Variants in CASD1 observed in about 807,000 individuals in gnomAD.
CASD1 encodes N-acetylneuraminate (7)9-O-acetyltransferase.
A neutral mutation model predicts 100.0 loss-of-function variants in CASD1; 41 were observed. The observed-to-expected ratio is 0.41, with a 90% CI of 0.32 to 0.53. CASD1 has a LOEUF of 0.53. CASD1 is among the 20% of genes least tolerant of loss of function. The pLI is 0.25. For missense variants in CASD1, 774 were observed against 948.7 expected (o/e 0.82, Z 2.42); for synonymous variants, 321 against 315.6 (o/e 1.02, Z -0.18).
At chr7:94,528,357 A>G (rs1055313607) in intron 5 of CASD1, 107 bp downstream of exon 5, 1 of 742,262 alleles carries the variant, frequency 1.3e-6, no homozygotes, top group Non-Finnish European at 2.1e-6. Context: ...TATATTTTAT[A>G]CCTGCCTTCT....
chr7:94,600,447 T>C, the CASD1 span: 1 of 552,452 alleles, frequency 1.8e-6, no homozygotes, highest in Admixed American at 3.2e-5. Flanking sequence ...AATAAAGTAA[T>C]TATATCCCCT....
chr7:94,557,221 A>G (rs1223528898), downstream of CASD1, among the ~76,000 whole-genome samples: 2 of 152,062 alleles, frequency 1.3e-5, no homozygotes, highest in Non-Finnish European at 2.9e-5. Context: ...TTGCTTGAAG[A>G]TTTTAAAAAT....
At chr7:94,577,917 A>G in the CASD1 span, among the ~76,000 whole-genome samples, 24 of 152,244 alleles carry the variant, frequency 1.6e-4, no homozygotes, top group African/African-American at 5.5e-4. Context: ...AAGGAACTCT[A>G]CCTTTGTTCT....
the CASD1 span, among the ~76,000 whole-genome samples, chr7:94,616,461 T>C: frequency 6.6e-6 from 1 of 152,194 alleles, no homozygotes; most frequent in Non-Finnish European, 1.5e-5. Flanking sequence ...CAAAAATTTT[T>C]ACAAGGGATA....
At chr7:94,618,710 C>T in the CASD1 span, 9 of 1,482,866 alleles carry the variant, frequency 6.1e-6, no homozygotes, top group Admixed American at 3.4e-5. Flanking sequence ...ATAAGATCAC[C>T]GTATTTAAAA....
the CASD1 span, among the ~76,000 whole-genome samples, chr7:94,615,412 AGAT>A: frequency 2.0e-5 from 3 of 147,606 alleles, no homozygotes; most frequent in Admixed American, 2.0e-4. Flanking sequence ...ATAGATAGAT[AGAT>A]AGATAGATAA....
Position 94,510,149 on chromosome 7 carries a change from C to A in CASD1, c.65C>A (p.Ala22Asp). Residue 22 changes from alanine (A) to aspartate (D), a missense_variant, in exon 1 of 18, where the codon GCC (alanine) becomes GAC (aspartate). This residue lies in a region of CASD1 where 75 missense variants were observed against 60.9 expected (regional missense o/e 1.23). Transcript: ENST00000297273. ...AACCACTACTTCAGCGTGAGGAGCG[C>A]CAAGGTGCTGGCGCTGGTGGCCGTG... is the stretch of plus-strand genomic sequence containing the variant. ...EINHYFSVRS[A>D]KVLALVAVLL... 6.5e-7 allele frequency: 1 copy of A among 1,529,922 alleles called. No homozygotes were observed. Among genetic ancestry groups the A allele is most frequent in the Non-Finnish European group, 8.8e-7 (1 of 1,137,318 alleles). The allele number at this position is 1,529,922 out of a possible 1,614,324, so 94.8% of individuals were successfully genotyped here. A position where few individuals can be genotyped will look rare whatever the true frequency, so the allele number is the denominator to read the frequency against.
the CASD1 span, chr7:94,587,073 C>T: frequency 1.0e-6 from 1 of 984,828 alleles, no homozygotes; most frequent in Non-Finnish European, 1.2e-6. Context: ...AAGCAAAATA[C>T]CTGCTCCCTA....
rs535278718 is a variant in CASD1, at chr7:94,539,466, C to G, written c.1356+410C>G. On this transcript the variant is annotated intron_variant, in intron 10 of 17. Transcript: ENST00000297273. ...GGTGGATCACCTGAGGTCAGGAGTT[C>G]AAGACCAGCCTAGCCAACATGGTGA... Among the ~76,000 whole-genome samples, 7 of 151,988 alleles carry G rather than the reference C, an allele frequency of 4.6e-5. No individual in the cohort carries two copies. The South Asian group carries it at 1.5e-3, about 32-fold the overall frequency.
intron 5 of CASD1, among the ~76,000 whole-genome samples, chr7:94,531,731 A>AT (rs1794863035): frequency 6.6e-6 from 1 of 151,704 alleles, no homozygotes; most frequent in Admixed American, 6.6e-5. Flanking sequence ...AAAAAGTGTC[A>AT]TTTTTTTACA....
At chr7:94,543,660 A>T (rs1795530180) in intron 10 of CASD1, among the ~76,000 whole-genome samples, 3 of 152,156 alleles carry the variant, frequency 2.0e-5, no homozygotes, top group Non-Finnish European at 4.4e-5. Context: ...CTCCAAAAAA[A>T]AAAAAAGGCA....
At chr7:94,534,102 A>G (rs973600165) in intron 7 of CASD1, among the ~76,000 whole-genome samples, 1 of 151,816 alleles carries the variant, frequency 6.6e-6, no homozygotes, top group Non-Finnish European at 1.5e-5. Flanking sequence ...TTTTTTTCTT[A>G]CAAAACATAT....
At position 94,537,810 on chromosome 7, in the gene CASD1, CA is replaced by C. The variant is rs1795193312; in HGVS notation, c.1185del (p.Lys395AsnfsTer32). ...GTGCAAATCTGTTCATGAAGGAAAACAAATTTTATACACATTCATCTTTCTT... is the reference window on the plus strand; with the variant it reads ...GTGCAAATCTGTTCATGAAGGAAAACAATTTTATACACATTCATCTTTCTT... ...DRANLFMKEN[K>X]FYTHSSFFIP... On this transcript the variant is annotated frameshift_variant, in exon 9 of 18. Transcript: ENST00000297273. LOFTEE classifies it high-confidence loss of function. The C allele has an allele frequency of 6.2e-7, 1 of 1,603,038 alleles. No homozygotes were observed. Among genetic ancestry groups the C allele is most frequent in the Non-Finnish European group, 8.5e-7 (1 of 1,170,362 alleles).
chr7:94,520,084 A>G (rs1562933408), intron 3 of CASD1, among the ~76,000 whole-genome samples: 1 of 152,200 alleles, frequency 6.6e-6, no homozygotes. Flanking sequence ...AGATTAATTT[A>G]TATGCATTTA....
rs1793602286 is a variant in CASD1, at chr7:94,509,952, G to C, written c.-133G>C. 1 of 1,199,266 alleles carries C rather than the reference G, an allele frequency of 8.3e-7. No homozygotes were observed. The highest frequency in any genetic ancestry group is 1.6e-5 in the African/African-American group (1 of 62,490). 74.3% of individuals were successfully genotyped at this position (1,199,266 alleles called of 1,614,324 possible). A position where few individuals can be genotyped will look rare whatever the true frequency, so the allele number is the denominator to read the frequency against. ...CGGCCGCGGGGTCAGGTTCCCCGGC[G>C]GGAGGCGCAGGTGGCGGCCTGGGGA... On this transcript the variant is annotated 5_prime_UTR_variant, in exon 1 of 18. Transcript: ENST00000297273.
chr7:94,602,689 A>T, the CASD1 span, among the ~76,000 whole-genome samples: 2 of 152,168 alleles, frequency 1.3e-5, no homozygotes, highest in Non-Finnish European at 1.5e-5. Context: ...CATATGTAAA[A>T]TATTACACAT....
the CASD1 span, among the ~76,000 whole-genome samples, chr7:94,603,800 T>TA: frequency 1.3e-5 from 2 of 152,168 alleles, no homozygotes; most frequent in African/African-American, 4.8e-5. Flanking sequence ...ATATTTACAT[T>TA]AAAACATTAT....
chr7:94,547,228 A>T lies in CASD1; in HGVS notation c.1713+53A>T, dbSNP rs367972420. The T allele has an allele frequency of 3.4e-3, 4,524 of 1,314,836 alleles. 178 individuals are homozygous for T. The South Asian group carries it at 0.062, about 18-fold the overall frequency. 81.4% of individuals were successfully genotyped at this position (1,314,836 alleles called of 1,614,324 possible). A position where few individuals can be genotyped will look rare whatever the true frequency, so the allele number is the denominator to read the frequency against. On this transcript the variant is annotated intron_variant, in intron 13 of 17. Transcript: ENST00000297273. ...TTTTCATATTTTATTTTAAAGTTCA[A>T]GTCTATTAAAGCATGTGAGAAGAGT... is the stretch of plus-strand genomic sequence containing the variant.
chr7:94,549,957 A>C (rs1339873927), intron 14 of CASD1, among the ~76,000 whole-genome samples: 1 of 152,124 alleles, frequency 6.6e-6, no homozygotes, highest in Non-Finnish European at 1.5e-5. Flanking sequence ...ATTGAGTTTC[A>C]ATATGTGCCC....
Sources: allele counts gnomAD v4.1 joint callset (sites outside exome capture counted in the v4.1 genomes callset), GRCh38; gene constraint gnomAD v4.1.1; regional missense constraint gnomAD v4.1.1; transcripts MANE v1.5; gene names NCBI Gene and HGNC (gene_info 2026-07-23, HGNC 2026-07-21).